RASGRP3: variants seen among roughly 807,000 people sequenced by gnomAD.
The protein encoded by RASGRP3 is RAS guanyl releasing protein 3.
A neutral mutation model predicts 82.7 loss-of-function variants in RASGRP3; 54 were observed. The ratio of observed to expected loss-of-function variants is 0.65; its 90% CI spans 0.52 to 0.82. The LOEUF is 0.82. Ranked by LOEUF, RASGRP3 falls within the 40% of genes least tolerant of loss-of-function variation. The pLI is 0.00. For synonymous variants in RASGRP3, 309 were observed against 300.5 expected (o/e 1.03, Z -0.29); for missense variants, 861 against 828.9 (o/e 1.04, Z -0.48).
intron 1 of RASGRP3, among the ~76,000 whole-genome samples, chr2:33,500,599 C>T (rs554611597): frequency 1.3e-4 from 19 of 151,984 alleles, no homozygotes; most frequent in Non-Finnish European, 2.4e-4. Context: ...GCAGGTTGAG[C>T]CATAGACCAA....
rs377324173 is a variant in RASGRP3, at chr2:33,519,853, A to C, written c.174-99A>C. On this transcript the variant is annotated intron_variant, in intron 4 of 17. Coordinates refer to ENST00000403687, the MANE Select transcript of RASGRP3 (RefSeq NM_001139488.2). ...ATTTGAGTGTCTATATAACCCCAGC[A>C]TGGTCCTCTTATTAGGAATTGGTAT... is the stretch of plus-strand genomic sequence containing the variant. 236 of 781,606 alleles carry C rather than the reference A, an allele frequency of 3.0e-4. No homozygotes were observed. In the African/African-American group the frequency reaches 3.6e-3, roughly 12 times the overall value. The allele number at this position is 781,606 out of a possible 1,614,324, so 48.4% of individuals were successfully genotyped here.
intron 2 of RASGRP3, among the ~76,000 whole-genome samples, chr2:33,461,627 C>T (rs984686483): frequency 2.0e-5 from 3 of 152,182 alleles, no homozygotes; most frequent in Non-Finnish European, 4.4e-5. Context: ...TAGTTTATGC[C>T]TTATGATCTA....
At chr2:33,470,073 C>G (rs982517070) in intron 2 of RASGRP3, among the ~76,000 whole-genome samples, 24 of 151,996 alleles carry the variant, frequency 1.6e-4, no homozygotes, top group African/African-American at 5.8e-4. Flanking sequence ...TGGTTCTTTT[C>G]TAAAATTTTC....
chr2:33,510,656 A>G (rs1250190539), intron 1 of RASGRP3, among the ~76,000 whole-genome samples: 1 of 152,222 alleles, frequency 6.6e-6, no homozygotes, highest in Admixed American at 6.5e-5. Context: ...TGCAGGTAAA[A>G]GGAGACCCTT....
At chr2:33,531,640 C>G (rs2151048189) in intron 10 of RASGRP3, 1 of 152,210 alleles carries the variant, frequency 6.6e-6, no homozygotes, top group South Asian at 2.1e-4. Flanking sequence ...GATCAGGAGA[C>G]TGAGACTCAG....
intron 1 of RASGRP3, among the ~76,000 whole-genome samples, chr2:33,445,661 C>T (rs1665459890): frequency 6.6e-6 from 1 of 151,624 alleles, no homozygotes; most frequent in South Asian, 2.1e-4. Context: ...TGAAATTATT[C>T]AATGAAATCT....
rs371666052 is a variant in RASGRP3, at chr2:33,464,113, T to TAATAATA, written c.-261+16171_-261+16172insATAATAA. The stretch of plus-strand genomic sequence containing the variant: ...ATTCAAACTTAATAATAATAATAAT[T>TAATAATA]ATTATTATTATTATTATTATTATTA... On this transcript the variant is annotated intron_variant, in intron 2 of 18. Transcript: ENST00000402538. Among the ~76,000 whole-genome samples the TAATAATA allele has an allele frequency of 2.8e-3, 368 of 130,800 alleles. 1 individual carries two copies. The highest frequency in any genetic ancestry group is 5.5e-3 in the Admixed American group (74 of 13,394). 85.8% of individuals were successfully genotyped at this position (130,800 alleles called of 152,430 possible).
intron 2 of RASGRP3, among the ~76,000 whole-genome samples, chr2:33,456,247 CT>C (rs1485591276): frequency 1.3e-5 from 2 of 152,088 alleles, no homozygotes; most frequent in African/African-American, 2.4e-5. Flanking sequence ...ATGGATCTGT[CT>C]TTTCGTTTGT....
intron 1 of RASGRP3, among the ~76,000 whole-genome samples, chr2:33,504,439 T>G (rs1340925400): frequency 6.6e-6 from 1 of 152,242 alleles, no homozygotes; most frequent in Non-Finnish European, 1.5e-5. Context: ...ACCTCCAGCC[T>G]ATTGCTATAA....
upstream of RASGRP3, chr2:33,476,466 T>C (rs1167815355): frequency 6.6e-6 from 1 of 152,258 alleles, no homozygotes; most frequent in Admixed American, 6.5e-5. Flanking sequence ...CCGCTCTGCA[T>C]GCTCATGAGA....
At chr2:33,469,072 T>C (rs979919043) in intron 2 of RASGRP3, among the ~76,000 whole-genome samples, 1 of 152,246 alleles carries the variant, frequency 6.6e-6, no homozygotes, top group Non-Finnish European at 1.5e-5. Flanking sequence ...AATTGTATCT[T>C]ATCGTTGTTT....
chr2:33,555,438 C>T, intron 14 of RASGRP3, 93 bp from the exon 15 acceptor site: 1 of 1,142,076 alleles, frequency 8.8e-7, no homozygotes, highest in Non-Finnish European at 1.3e-6. Context: ...CCTGGCCAGT[C>T]CTGAAGCTTC....
At chr2:33,555,844 G>A (rs934789426) in intron 15 of RASGRP3, among the ~76,000 whole-genome samples, 31 of 152,028 alleles carry the variant, frequency 2.0e-4, no homozygotes, top group Admixed American at 1.4e-3. Flanking sequence ...ATTCTGAGTG[G>A]GACAAGCCTA....
intron 4 of RASGRP3, among the ~76,000 whole-genome samples, chr2:33,518,883 A>G (rs1350070594): frequency 6.6e-6 from 1 of 151,916 alleles, no homozygotes; most frequent in Non-Finnish European, 1.5e-5. Flanking sequence ...GGAGCTGGTC[A>G]TCTCCTATGA....
At chr2:33,447,105 C>CAAA (rs1161927671) in intron 1 of RASGRP3, among the ~76,000 whole-genome samples, 1,175 of 59,252 alleles carry the variant, frequency 0.02, 22 homozygotes, top group African/African-American at 0.057. Flanking sequence ...GACTCCGTCT[C>CAAA]AAAAAAAAAA....
At chr2:33,553,188 T>G (rs531278742) in intron 14 of RASGRP3, among the ~76,000 whole-genome samples, 2 of 151,786 alleles carry the variant, frequency 1.3e-5, no homozygotes, top group African/African-American at 4.8e-5. Flanking sequence ...TTGTCCCACC[T>G]CAGTGCCTTT....
At chr2:33,437,392 A>G (rs894433149) in intron 1 of RASGRP3, among the ~76,000 whole-genome samples, 8 of 152,256 alleles carry the variant, frequency 5.3e-5, no homozygotes, top group Non-Finnish European at 8.8e-5. Flanking sequence ...AAACAAGCAC[A>G]TTTGTTTAAA....
At chr2:33,534,876 T>C (rs1289422766) in intron 11 of RASGRP3, among the ~76,000 whole-genome samples, 1 of 152,086 alleles carries the variant, frequency 6.6e-6, no homozygotes, top group Non-Finnish European at 1.5e-5. Context: ...AGCTTAGCCC[T>C]GTCAGTTTGA....
rs375017489 is a variant in RASGRP3, at chr2:33,555,556, A to G, written c.1568A>G (p.Tyr523Cys). Residue 523 changes from tyrosine to cysteine, a missense_variant, in exon 15 of 18, where the codon TAC becomes TGC. Coordinates refer to ENST00000403687, the MANE Select transcript of RASGRP3 (RefSeq NM_001139488.2). ...CTCTGGGGCATAATCAAGCAAGGATACAAATGCAAAGGTAAATCAATGTTA... is the reference window on the plus strand; with the variant it reads ...CTCTGGGGCATAATCAAGCAAGGATGCAAATGCAAAGGTAAATCAATGTTA... ...GFLWGIIKQG[Y>C]KCKDCGANCH... 46 of 1,596,186 alleles carry G rather than the reference A, an allele frequency of 2.9e-5. No individual in the cohort carries two copies. The highest frequency in any genetic ancestry group is 3.8e-5 in the Non-Finnish European group (44 of 1,166,848).
Sources: allele counts gnomAD v4.1 joint callset (sites outside exome capture counted in the v4.1 genomes callset), GRCh38; gene constraint gnomAD v4.1.1; transcripts MANE v1.5; gene names NCBI Gene and HGNC (gene_info 2026-07-23, HGNC 2026-07-21).